RGS5: variants seen among roughly 807,000 people sequenced by gnomAD.
RGS5 encodes regulator of G-protein signalling 5.
RGS5 carries 20 observed loss-of-function variants against 18.9 expected under a neutral mutation model. That is an observed-to-expected ratio of 1.06 (90% CI 0.74 to 1.54). RGS5 has a LOEUF of 1.54. Among genes scored for constraint, RGS5 ranks in the 40% most tolerant of loss-of-function variants. RGS5 has a pLI of 0.00. For missense variants in RGS5, 201 were observed against 211.8 expected (o/e 0.95, Z 0.32); for synonymous variants, 57 against 76.2 (o/e 0.75, Z 1.31).
At chr1:163,234,883 T>C (rs1301767106) in intron 2 of RGS5, among the ~76,000 whole-genome samples, 2 of 152,238 alleles carry the variant, frequency 1.3e-5, no homozygotes, top group African/African-American at 4.8e-5. Flanking sequence ...TCAGCCTTTT[T>C]CTCCATGTTT....
At chr1:163,236,002 C>T (rs1347328136) in intron 2 of RGS5, among the ~76,000 whole-genome samples, 1 of 152,046 alleles carries the variant, frequency 6.6e-6, no homozygotes, top group African/African-American at 2.4e-5. Flanking sequence ...ATAGTCTTGC[C>T]CTTGATTTGA....
At chr1:163,310,324 C>T (rs1358468974) in intron 1 of RGS5, among the ~76,000 whole-genome samples, 1 of 152,148 alleles carries the variant, frequency 6.6e-6, no homozygotes, top group Non-Finnish European at 1.5e-5. Flanking sequence ...CGGTGGCTCA[C>T]GCCTGTAATC....
At chr1:163,290,674 A>G (rs1045428162) in intron 2 of RGS5, among the ~76,000 whole-genome samples, 1 of 151,804 alleles carries the variant, frequency 6.6e-6, no homozygotes, top group African/African-American at 2.4e-5. Flanking sequence ...AAAAAAATGA[A>G]TATTTCAAAG....
At chr1:163,283,931 C>T (rs751404347) in intron 2 of RGS5, among the ~76,000 whole-genome samples, 16 of 152,126 alleles carry the variant, frequency 1.1e-4, no homozygotes, top group African/African-American at 1.4e-4. Context: ...ACATCTTGAG[C>T]GCAGTCTTTG....
intron 2 of RGS5, among the ~76,000 whole-genome samples, chr1:163,259,414 T>A (rs1314914726): frequency 6.6e-6 from 1 of 151,904 alleles, no homozygotes; most frequent in Admixed American, 6.6e-5. Flanking sequence ...TCCGCCCGCC[T>A]CTGCTTCCCA....
intron 1 of RGS5, among the ~76,000 whole-genome samples, chr1:163,181,665 T>A (rs1353535689): frequency 4.6e-5 from 7 of 152,172 alleles, no homozygotes; most frequent in Non-Finnish European, 8.8e-5. Flanking sequence ...GTCCCATATG[T>A]ATGTACTCCC....
intron 1 of RGS5, among the ~76,000 whole-genome samples, chr1:163,313,997 A>ATGTGTG (rs760320834): frequency 2.0e-5 from 3 of 149,486 alleles, no homozygotes; most frequent in African/African-American, 7.3e-5. Context: ...AATAAGATAT[A>ATGTGTG]TATGTGTGTG....
chr1:163,219,076 C>T (rs1237893544), upstream of RGS5, among the ~76,000 whole-genome samples: 1 of 152,052 alleles, frequency 6.6e-6, no homozygotes, highest in Non-Finnish European at 1.5e-5. Context: ...ATCAGCATTT[C>T]ACTACATTTT....
intron 1 of RGS5, among the ~76,000 whole-genome samples, chr1:163,208,518 TAAAAAA>T (rs55700806): frequency 6.9e-5 from 1 of 14,464 alleles, no homozygotes; most frequent in Non-Finnish European, 1.2e-4. Context: ...CCACCTCCAT[TAAAAAA>T]AAAAAAAAAA....
chr1:163,150,477 T>TG (rs1360843994), intron 4 of RGS5, among the ~76,000 whole-genome samples: 1 of 152,146 alleles, frequency 6.6e-6, no homozygotes, highest in African/African-American at 2.4e-5. Flanking sequence ...GGGAAATACA[T>TG]GTCCAATTTA....
intron 2 of RGS5, among the ~76,000 whole-genome samples, chr1:163,235,337 C>T (rs1356571430): frequency 1.3e-5 from 2 of 152,142 alleles, no homozygotes; most frequent in African/African-American, 4.8e-5. Flanking sequence ...TCATCTCCTC[C>T]AATACGTACA....
At chr1:163,297,080 C>T (rs1014495385) in intron 2 of RGS5, among the ~76,000 whole-genome samples, 3 of 151,950 alleles carry the variant, frequency 2.0e-5, no homozygotes, top group Non-Finnish European at 2.9e-5. Context: ...TATCTGGGGC[C>T]GGTGTCAGAT....
intron 1 of RGS5, among the ~76,000 whole-genome samples, chr1:163,186,975 T>A (rs931275865): frequency 6.6e-6 from 1 of 152,206 alleles, no homozygotes; most frequent in Non-Finnish European, 1.5e-5. Flanking sequence ...TCCTAGTCTG[T>A]CATAATTGTC....
intron 4 of RGS5, among the ~76,000 whole-genome samples, chr1:163,147,718 C>G (rs1313055940): frequency 6.6e-6 from 1 of 152,120 alleles, no homozygotes. Context: ...CACCAGGTGT[C>G]AGACCTCCCA....
chr1:163,210,664 T>G (rs568153201), intron 1 of RGS5: 1 of 152,346 alleles, frequency 6.6e-6, no homozygotes, highest in African/African-American at 2.4e-5. Flanking sequence ...AGACAATGCC[T>G]AAAAGTGTTT....
chr1:163,181,617 C>T (rs781089406), intron 1 of RGS5, among the ~76,000 whole-genome samples: 20 of 152,270 alleles, frequency 1.3e-4, no homozygotes, highest in African/African-American at 2.9e-4. Context: ...CACGTTTTCA[C>T]GGAATGACTC....
In RGS5 at chr1:163,143,769, A is replaced by G. The variant is rs1657015998; in HGVS notation, c.*3573T>C. 6.6e-6 allele frequency: 1 copy of G among 152,164 alleles called. No individual in the cohort carries two copies. The highest frequency in any genetic ancestry group is 1.5e-5 in the Non-Finnish European group (1 of 68,022). 9.4% of individuals were successfully genotyped at this position (152,164 alleles called of 1,614,324 possible). A position where few individuals can be genotyped will look rare whatever the true frequency, so the allele number is the denominator to read the frequency against. On this transcript the variant is annotated 3_prime_UTR_variant, in exon 5 of 5. Coordinates refer to ENST00000313961, the MANE Select transcript of RGS5 (RefSeq NM_003617.4). ...AAAATCATTTCTCTGAAATATAACT[A>G]GCTTTTACAACGATTCTCAAATTTG...
At chr1:163,153,499 A>G (rs1657458489) in intron 3 of RGS5, among the ~76,000 whole-genome samples, 1 of 152,148 alleles carries the variant, frequency 6.6e-6, no homozygotes. Flanking sequence ...CGTACTTACC[A>G]TGTCCATCAA....
At chr1:163,285,482 G>A (rs1406291191) in intron 2 of RGS5, among the ~76,000 whole-genome samples, 1 of 152,064 alleles carries the variant, frequency 6.6e-6, no homozygotes, top group East Asian at 1.9e-4. Context: ...CCTGGAGGTG[G>A]AGACTGCACC....
Sources: allele counts gnomAD v4.1 joint callset (sites outside exome capture counted in the v4.1 genomes callset), GRCh38; gene constraint gnomAD v4.1.1; transcripts MANE v1.5; gene names NCBI Gene and HGNC (gene_info 2026-07-23, HGNC 2026-07-21).